Variants in RANBP9 observed in about 807,000 individuals in gnomAD.
The protein encoded by RANBP9 is RAN binding protein 9, also known as ran-binding protein 9.
A neutral mutation model predicts 84.3 loss-of-function variants in RANBP9; 15 were observed. The ratio of observed to expected loss-of-function variants is 0.18; its 90% CI spans 0.12 to 0.27. The LOEUF (loss-of-function observed/expected upper bound fraction) is 0.27, where lower values mean the gene tolerates loss of function less well. Among genes scored for constraint, RANBP9 ranks in the 10% least tolerant of loss-of-function variants. The pLI is 1.00. For synonymous variants in RANBP9, 392 were observed against 349.6 expected (o/e 1.12, Z -1.35); for missense variants, 809 against 912.8 (o/e 0.89, Z 1.46).
chr6:13,692,003 A>T (rs1766331757), intron 2 of RANBP9, among the ~76,000 whole-genome samples: 1 of 152,194 alleles, frequency 6.6e-6, no homozygotes, highest in Non-Finnish European at 1.5e-5. Context: ...TCAGATGGGC[A>T]CACATCACTG....
chr6:13,696,932 G>T, intron 1 of RANBP9, 36 bp from the exon 2 acceptor site: 1 of 1,508,024 alleles, frequency 6.6e-7, no homozygotes, highest in Non-Finnish European at 9.1e-7. Context: ...GAAGTCACAT[G>T]AGATATTCAC....
intron 3 of RANBP9, among the ~76,000 whole-genome samples, chr6:13,658,009 C>T (rs1303023936): frequency 6.6e-6 from 1 of 152,056 alleles, no homozygotes; most frequent in East Asian, 1.9e-4. Flanking sequence ...TTAATTTTAG[C>T]AAAGAGAGTA....
chr6:13,652,580 T>A, intron 5 of RANBP9, 79 bp downstream of exon 5: 1 of 1,324,096 alleles, frequency 7.6e-7, no homozygotes. Flanking sequence ...TATTTTAAAC[T>A]TTCTAAATAT....
At chr6:13,657,583 T>C (rs1001661945) in intron 3 of RANBP9, among the ~76,000 whole-genome samples, 1 of 152,186 alleles carries the variant, frequency 6.6e-6, no homozygotes, top group Non-Finnish European at 1.5e-5. Flanking sequence ...ATATTCCGTT[T>C]GCTAATACAC....
intron 2 of RANBP9, among the ~76,000 whole-genome samples, chr6:13,679,391 CAAG>C (rs1765976867): frequency 6.6e-6 from 1 of 152,128 alleles, no homozygotes; most frequent in African/African-American, 2.4e-5. Flanking sequence ...GCTCTAAAAA[CAAG>C]AAAAGCCTAT....
chr6:13,636,929 C>T (rs538269642), intron 10 of RANBP9, among the ~76,000 whole-genome samples: 8 of 152,040 alleles, frequency 5.3e-5, no homozygotes, highest in African/African-American at 1.9e-4. Flanking sequence ...AAAAGTTAGG[C>T]TCTCTCTCCT....
In RANBP9 at chr6:13,657,363, C is replaced by A; in HGVS notation, c.737-87G>T. ...TCACTAAGATTATGATAAATCAGAA[C>A]AGTACAAGATAATATAAAGATGAAA... On this transcript the variant is annotated intron_variant, in intron 3 of 13. Transcript: ENST00000011619. 3.5e-6 allele frequency: 4 copies of A among 1,145,368 alleles called. No individual in the cohort carries two copies. The South Asian group carries it at 6.6e-5, about 19-fold the overall frequency. The allele number at this position is 1,145,368 out of a possible 1,614,324, so 71.0% of individuals were successfully genotyped here. A position where few individuals can be genotyped will look rare whatever the true frequency, so the allele number is the denominator to read the frequency against.
chr6:13,654,279 T>C (rs1035564654), intron 4 of RANBP9, among the ~76,000 whole-genome samples: 1 of 152,180 alleles, frequency 6.6e-6, no homozygotes, highest in Non-Finnish European at 1.5e-5. Context: ...CAGAAAGCAA[T>C]TTTCTATATT....
intron 2 of RANBP9, among the ~76,000 whole-genome samples, chr6:13,687,353 T>A (rs1408673468): frequency 1.3e-5 from 2 of 152,102 alleles, no homozygotes; most frequent in African/African-American, 4.8e-5. Flanking sequence ...CCAGGTGTGA[T>A]GGCTCACAAC....
Position 13,629,587 on chromosome 6 carries a change from G to A in RANBP9, c.1947+2783C>T, listed in dbSNP as rs149052176. ...GTTTCTAAATAGGGTGACTCTAAATGGTTCTCTTGCTACTTCAGTTACTAA... is the reference window on the plus strand; with the variant it reads ...GTTTCTAAATAGGGTGACTCTAAATAGTTCTCTTGCTACTTCAGTTACTAA... On this transcript the variant is annotated intron_variant, in intron 12 of 13. Transcript: ENST00000011619. 8.3e-4 allele frequency among the ~76,000 whole-genome samples: 126 copies of A among 152,220 alleles called. 1 individual carries two copies. Among genetic ancestry groups the A allele is most frequent in the Middle Eastern group, 6.8e-3 (2 of 294 alleles).
At chr6:13,695,425 T>TC (rs1766422712) in intron 2 of RANBP9, among the ~76,000 whole-genome samples, 5 of 146,666 alleles carry the variant, frequency 3.4e-5, no homozygotes, top group South Asian at 2.1e-4. Context: ...TTTTTTTTTT[T>TC]CAGAAAAAGA....
chr6:13,652,055 T>C (rs937730976), intron 5 of RANBP9, among the ~76,000 whole-genome samples: 2 of 152,188 alleles, frequency 1.3e-5, no homozygotes, highest in African/African-American at 4.8e-5. Context: ...CTCCAAAAGC[T>C]TCAGCTCAAG....
At chr6:13,691,067 C>T (rs537214808) in intron 2 of RANBP9, among the ~76,000 whole-genome samples, 2 of 150,766 alleles carry the variant, frequency 1.3e-5, no homozygotes, top group Non-Finnish European at 2.9e-5. Context: ...CTAGGACAGA[C>T]TAAGACAAGA....
intron 2 of RANBP9, among the ~76,000 whole-genome samples, chr6:13,685,929 CA>C (rs566635171): frequency 0.027 from 2,670 of 99,472 alleles, 44 homozygotes; most frequent in African/African-American, 0.066. Flanking sequence ...GACTCTGTCT[CA>C]AAAAAAAAAA....
At chr6:13,669,451 A>ACT (rs1330243915) in intron 2 of RANBP9, among the ~76,000 whole-genome samples, 1 of 152,212 alleles carries the variant, frequency 6.6e-6, no homozygotes, top group African/African-American at 2.4e-5. Context: ...AAGTTGGAAG[A>ACT]CTCACACATT....
At chr6:13,647,954 C>T (rs1765209823) in intron 5 of RANBP9, among the ~76,000 whole-genome samples, 1 of 151,934 alleles carries the variant, frequency 6.6e-6, no homozygotes, top group Non-Finnish European at 1.5e-5. Context: ...CAGAACTGTG[C>T]AACTACTGTA....
rs771102905 is a variant in RANBP9 at position 13,641,221 on chromosome 6, G to T, written c.1312C>A (p.Pro438Thr). 3 of 1,582,930 alleles carry T rather than the reference G, an allele frequency of 1.9e-6. No homozygotes were observed. The highest frequency in any genetic ancestry group is 1.7e-5 in the Admixed American group (1 of 57,738). The change falls in exon 8 of 14, where the codon CCT (proline) becomes ACT (threonine). Residue 438 changes from proline (P) to threonine (T), a missense_variant. Coordinates refer to ENST00000011619, the MANE Select transcript of RANBP9 (RefSeq NM_005493.3). ...QLYPSLLERN[P>T]NLLFTLKVRQ... ...CACTTTAATGTGAAAAGGAGATTAGGATTTCTTTCAAGTAAACTTGGGTAT... is the reference window on the plus strand; with the variant it reads ...CACTTTAATGTGAAAAGGAGATTAGTATTTCTTTCAAGTAAACTTGGGTAT...
In RANBP9 at chr6:13,639,750, C is replaced by T. The variant is rs35589435; in HGVS notation, c.1338G>A (p.Val446=). The T allele has an allele frequency of 4.1e-4, 660 of 1,613,256 alleles. 1 individual carries two copies. The African/African-American group carries it at 7.6e-3, about 19-fold the overall frequency. ...RNPNLLFTLK[V]RQFIEMVNGT... ...CATTCACCATTTCTATAAACTGACG[C>T]ACTCTAAAGGAGAAAAGAAAAATTT... The change falls in exon 9 of 14, where the codon GTG becomes GTA. Residue 446 remains valine, a synonymous_variant. Transcript: ENST00000011619.
chr6:13,669,612 CAAGT>C (rs1349672924), intron 2 of RANBP9, among the ~76,000 whole-genome samples: 1 of 152,198 alleles, frequency 6.6e-6, no homozygotes, highest in Non-Finnish European at 1.5e-5. Context: ...TGTTTTGCGA[CAAGT>C]AAGGTCTCAC....
Sources: allele counts gnomAD v4.1 joint callset (sites outside exome capture counted in the v4.1 genomes callset), GRCh38; gene constraint gnomAD v4.1.1; transcripts MANE v1.5; gene names NCBI Gene and HGNC (gene_info 2026-07-23, HGNC 2026-07-21).